Variants in FTCD observed in about 807,000 individuals in gnomAD.
FTCD encodes formimidoyltransferase-cyclodeaminase.
A neutral mutation model predicts 62.9 loss-of-function variants in FTCD; 76 were observed. That is an observed-to-expected ratio of 1.21 (90% confidence interval 1.00 to 1.46). The LOEUF (loss-of-function observed/expected upper bound fraction) is 1.46. Among genes scored for constraint, FTCD ranks in the 40% most tolerant of loss-of-function variants. The pLI is 0.00. For synonymous variants in FTCD, 397 were observed against 336.9 expected, an observed-to-expected ratio of 1.18 and a Z score of -1.95; for missense variants, 845 against 751.3, an observed-to-expected ratio of 1.12 and a Z score of -1.46.
chr21:46,136,918 G>A lies in FTCD; in HGVS notation c.*69C>T, dbSNP rs960824041. ...CACGAACAAGCTGTGTCCCCACCGA[G>A]GTCACAGCTCTGCCCTCTGGGGATG... On this transcript the variant is annotated 3_prime_UTR_variant, in exon 14 of 14. Coordinates refer to ENST00000397746, the MANE Select transcript of FTCD (RefSeq NM_206965.2). 3 of 1,608,960 alleles carry A rather than the reference G, an allele frequency of 1.9e-6. No homozygotes were observed. Among genetic ancestry groups the A allele is most frequent in the East Asian group, 2.2e-5 (1 of 44,686 alleles).
chr21:46,136,269 C>T (rs142188873), downstream of FTCD: 17 of 597,414 alleles, frequency 2.8e-5, no homozygotes, highest in Non-Finnish European at 4.8e-5. Flanking sequence ...TAGTGATTTG[C>T]TAAATTATTT....
At chr21:46,152,136 T>G in intron 3 of FTCD, 156 bp from the exon 4 acceptor site, 1 of 603,408 alleles carries the variant, frequency 1.7e-6, no homozygotes, top group South Asian at 2.1e-5. Context: ...CTTGGATGGA[T>G]GCGGGTGGTC....
chr21:46,139,905 G>A (rs2078957205), intron 10 of FTCD, among the ~76,000 whole-genome samples: 1 of 152,152 alleles, frequency 6.6e-6, no homozygotes, highest in Non-Finnish European at 1.5e-5. Flanking sequence ...GGTGTCCATG[G>A]TCTCCCTGGG....
intron 10 of FTCD, chr21:46,142,012 CT>C (rs1201047487): frequency 6.6e-6 from 1 of 152,368 alleles, no homozygotes; most frequent in Non-Finnish European, 1.5e-5. Flanking sequence ...AGGCGGAGCT[CT>C]GAGGCAGCAA....
chr21:46,155,481 T>C lies in FTCD; in HGVS notation c.43A>G (p.Lys15Glu). 6.2e-7 allele frequency: 1 copy of C among 1,612,808 alleles called. No homozygotes were observed. Among genetic ancestry groups the C allele is most frequent in the Non-Finnish European group, 8.5e-7 (1 of 1,179,726 alleles). ...TCCTCGGGCCTCACCTCCTGGTTCT[T>C]CCCCTCCGAAAAGTTGGGGACGCAT... ...VECVPNFSEG[K>E]NQEVIDAISG... The change falls in exon 1 of 14, where the codon AAG becomes GAG. Residue 15 changes from lysine (K) to glutamate (E), a missense_variant. Lys to Glu is a moderately conservative substitution (Grantham distance 56, BLOSUM62 1). Transcript: ENST00000397746.
intron 5 of FTCD, among the ~76,000 whole-genome samples, chr21:46,151,073 G>T (rs901908847): frequency 1.3e-5 from 2 of 152,202 alleles, no homozygotes; most frequent in Non-Finnish European, 2.9e-5. Flanking sequence ...GGGAACAGAT[G>T]GGCAGGTGGT....
At chr21:46,152,054 A>G in intron 3 of FTCD, 74 bp from the exon 4 acceptor site, 4 of 1,062,722 alleles carry the variant, frequency 3.8e-6, no homozygotes, top group Non-Finnish European at 5.6e-6. Flanking sequence ...ACGCAGGTGG[A>G]GGGGCTCCCT....
chr21:46,154,356 C>T (rs1185562943), intron 1 of FTCD, 24 bp from the exon 2 acceptor site: 1 of 1,601,476 alleles, frequency 6.2e-7, no homozygotes, highest in South Asian at 1.1e-5. Context: ...CCGGCCCCCA[C>T]ACCTCAGTCT....
rs376081092 is a variant in FTCD at position 46,137,256 on chromosome 21, C to T, written c.1522G>A (p.Glu508Lys). The T allele has an allele frequency of 1.4e-5, 23 of 1,613,034 alleles. No homozygotes were observed. The highest frequency in any genetic ancestry group is 7.7e-5 in the South Asian group (7 of 91,072). The change falls in exon 13 of 14, where the codon GAG becomes AAG. Residue 508 changes from glutamate (E) to lysine (K), a missense_variant. Physicochemically the swap from Glu to Lys is moderately conservative, Grantham distance 56. Transcript: ENST00000397746. ...CTGCTCACCTGGTCCTTAAATGCCT[C>T]GTCTGTGATGTCCCTCAGGTTGATG... is the stretch of plus-strand genomic sequence containing the variant. ...VLINLRDITD[E>K]AFKDQIHHRV... is the part of the protein sequence containing the mutation.
At chr21:46,147,044 A>C (rs2079163821) in intron 7 of FTCD, 1 of 152,344 alleles carries the variant, frequency 6.6e-6, no homozygotes, top group South Asian at 2.1e-4. Context: ...ACATCATTCG[A>C]AACCAGACAC....
In FTCD at chr21:46,147,101, C is replaced by G. The variant is rs550683709; in HGVS notation, c.907-774G>C. Among the ~76,000 whole-genome samples, 413 of 152,358 alleles carry G rather than the reference C, an allele frequency of 2.7e-3. 2 individuals are homozygous for G. The highest frequency in any genetic ancestry group is 9.6e-3 in the African/African-American group (398 of 41,580). ...AAGGCCTGCCAGCCTGGAGCTGGGT[C>G]TGCCCTGGGGGCAACTGCCCCTCTC... On this transcript the variant is annotated intron_variant, in intron 7 of 13. Coordinates refer to ENST00000397746, the MANE Select transcript of FTCD (RefSeq NM_206965.2).
At chr21:46,143,064 C>T (rs1424610498) in intron 10 of FTCD, among the ~76,000 whole-genome samples, 1 of 152,146 alleles carries the variant, frequency 6.6e-6, no homozygotes, top group East Asian at 1.9e-4. Context: ...CAGAACGGGA[C>T]CCTCAGGCGA....
chr21:46,146,137 G>T, intron 8 of FTCD, 129 bp downstream of exon 8: 2 of 793,978 alleles, frequency 2.5e-6, no homozygotes, highest in South Asian at 1.5e-5. Flanking sequence ...GGCGCAGGCC[G>T]AGTAGGCGCC....
chr21:46,155,515 C>T lies in FTCD; in HGVS notation c.9G>A (p.Gln3=). Residue 3 remains glutamine (Q), a synonymous_variant, in exon 1 of 14, where the codon CAG becomes CAA. Transcript: ENST00000397746. The part of the protein sequence containing the change: MS[Q]LVECVPNFSE... ...AAAAGTTGGGGACGCATTCCACCAG[C>T]TGGGACATGGCCAGCACCTTGATCC... is the stretch of plus-strand genomic sequence containing the variant. 6.8e-6 allele frequency: 11 copies of T among 1,612,942 alleles called. No homozygotes were observed. The highest frequency in any genetic ancestry group is 9.3e-6 in the Non-Finnish European group (11 of 1,179,890).
intron 12 of FTCD, among the ~76,000 whole-genome samples, chr21:46,137,794 G>A (rs2078903784): frequency 6.6e-6 from 1 of 152,182 alleles, no homozygotes; most frequent in African/African-American, 2.4e-5. Flanking sequence ...TGCAGAAAGT[G>A]CTGAGCCCAT....
chr21:46,151,326 T>C (rs2079267519), intron 5 of FTCD, among the ~76,000 whole-genome samples: 1 of 152,236 alleles, frequency 6.6e-6, no homozygotes, highest in Non-Finnish European at 1.5e-5. Context: ...CCTCGTTCCC[T>C]GGAAAATCCC....
chr21:46,138,681 G>A lies in FTCD; in HGVS notation c.1305-35C>T, dbSNP rs1601294351. 6 of 1,589,090 alleles carry A rather than the reference G, an allele frequency of 3.8e-6. No homozygotes were observed. In the East Asian group the frequency reaches 8.9e-5, roughly 24 times the overall value. On this transcript the variant is annotated intron_variant, in intron 11 of 13. Coordinates refer to ENST00000397746, the MANE Select transcript of FTCD (RefSeq NM_206965.2). The stretch of plus-strand genomic sequence containing the variant: ...GCAAGAGGAGAGCCTGAGCACAGCG[G>A]CACACACAGGCAGGCAGTGGACACA...
intron 7 of FTCD, 75 bp from the exon 8 acceptor site, chr21:46,146,402 C>T: frequency 9.6e-7 from 1 of 1,043,478 alleles, no homozygotes; most frequent in Admixed American, 2.0e-5. Context: ...CCCGCGGGTC[C>T]CACCCTTGCG....
chr21:46,137,255 T>A lies in FTCD; in HGVS notation c.1523A>T (p.Glu508Val). 1 of 1,613,044 alleles carries A rather than the reference T, an allele frequency of 6.2e-7. No homozygotes were observed. The highest frequency in any genetic ancestry group is 8.5e-7 in the Non-Finnish European group (1 of 1,179,180). ...CCTGCTCACCTGGTCCTTAAATGCCTCGTCTGTGATGTCCCTCAGGTTGAT... is the reference window on the plus strand; with the variant it reads ...CCTGCTCACCTGGTCCTTAAATGCCACGTCTGTGATGTCCCTCAGGTTGAT... ...VLINLRDITD[E>V]AFKDQIHHRV... Residue 508 changes from glutamate to valine, a missense_variant, in exon 13 of 14, where the codon GAG becomes GTG. By Grantham distance (121) the Glu-to-Val change is moderately radical (BLOSUM62 -2). Transcript: ENST00000397746.
Sources: gnomAD v4.1 joint callset for allele counts (sites outside exome capture counted in the v4.1 genomes callset) on GRCh38, gnomAD v4.1.1 for gene constraint, MANE v1.5 for transcripts, NCBI Gene and HGNC (gene_info 2026-07-23, HGNC 2026-07-21) for gene names.